Variants in INPP5A observed in about 807,000 individuals in gnomAD.
The protein encoded by INPP5A is 43 kDa inositol polyphosphate 5-phophatase.
A neutral mutation model predicts 65.2 loss-of-function variants in INPP5A; 14 were observed. That is an observed-to-expected ratio of 0.21 (90% CI 0.14 to 0.34). The LOEUF (loss-of-function observed/expected upper bound fraction) is 0.34, where lower values mean the gene tolerates loss of function less well. Ranked by LOEUF, INPP5A falls within the 10% of genes least tolerant of loss-of-function variation. The pLI, the probability that INPP5A is intolerant of heterozygous loss-of-function variation, is 1.00. For synonymous variants in INPP5A, 207 were observed against 208.3 expected (o/e 0.99, Z 0.05); for missense variants, 431 against 545.6 (o/e 0.79, Z 2.09).
chr10:132,735,462 G>A (rs547871183), intron 9 of INPP5A, among the ~76,000 whole-genome samples: 438 of 152,344 alleles, frequency 2.9e-3, no homozygotes, highest in African/African-American at 9.9e-3. Context: ...GGCGGTGCCC[G>A]GTGGCACGGG....
At chr10:132,606,474 C>T (rs1333779496) in intron 1 of INPP5A, among the ~76,000 whole-genome samples, 2 of 152,160 alleles carry the variant, frequency 1.3e-5, no homozygotes, top group East Asian at 1.9e-4. Flanking sequence ...TCTCCCTTCG[C>T]GTGTGTGTGT....
chr10:132,600,655 C>T (rs1008771768), intron 1 of INPP5A, among the ~76,000 whole-genome samples: 5 of 152,200 alleles, frequency 3.3e-5, no homozygotes, highest in African/African-American at 9.7e-5. Context: ...TTCATTTTCA[C>T]ACTGCCAGTA....
chr10:132,636,431 C>T (rs1000357589), intron 2 of INPP5A, among the ~76,000 whole-genome samples: 1 of 152,210 alleles, frequency 6.6e-6, no homozygotes, highest in Non-Finnish European at 1.5e-5. Flanking sequence ...TGCAAAACAG[C>T]CACGTCACAA....
intron 14 of INPP5A, 64 bp from the exon 15 acceptor site, chr10:132,781,797 C>T (rs1003718865): frequency 1.1e-5 from 15 of 1,345,404 alleles, no homozygotes; most frequent in African/African-American, 2.9e-5. Context: ...CAACGGGAGG[C>T]GGCGGCATGT....
intron 4 of INPP5A, among the ~76,000 whole-genome samples, chr10:132,666,805 CCTT>C (rs2072810905): frequency 2.0e-5 from 3 of 152,336 alleles, no homozygotes; most frequent in South Asian, 4.1e-4. Flanking sequence ...GCTGTGCAGA[CCTT>C]CTCGGCAGGC....
rs1845999196 is a variant in INPP5A at position 132,727,083 on chromosome 10, G to A, written c.732+178G>A. 1 of 467,286 alleles carries A rather than the reference G, an allele frequency of 2.1e-6. No individual in the cohort carries two copies. The highest frequency in any genetic ancestry group is 2.0e-5 in the African/African-American group (1 of 50,388). The allele number at this position is 467,286 out of a possible 1,614,324, so 28.9% of individuals were successfully genotyped here. A position where few individuals can be genotyped will look rare whatever the true frequency, so the allele number is the denominator to read the frequency against. The stretch of plus-strand genomic sequence containing the variant: ...TTTTGCTGTCGGCAGAGGGATCCGT[G>A]TTGGAATCCGGGGTGCGCGGGCCCT... On this transcript the variant is annotated intron_variant, in intron 9 of 15. Transcript: ENST00000368594. This position sits in a 1 kb window ranked among gnomAD's most constrained non-coding sequence, Gnocchi z 6.5.
intron 11 of INPP5A, among the ~76,000 whole-genome samples, chr10:132,761,848 G>A (rs1195166110): frequency 1.3e-5 from 2 of 152,166 alleles, no homozygotes; most frequent in Non-Finnish European, 2.9e-5. Context: ...AGGCAGGACA[G>A]ACCGTCAATA....
At chr10:132,564,272 G>T (rs546380988) in intron 1 of INPP5A, among the ~76,000 whole-genome samples, 44 of 152,294 alleles carry the variant, frequency 2.9e-4, no homozygotes, top group African/African-American at 1.0e-3. Flanking sequence ...GGGGAGGGAA[G>T]GCGAGGGTCC....
At chr10:132,646,926 C>T (rs750437822) in intron 3 of INPP5A, among the ~76,000 whole-genome samples, 3 of 152,184 alleles carry the variant, frequency 2.0e-5, no homozygotes, top group South Asian at 2.1e-4. Context: ...CGAGCCCTCC[C>T]GGCCTGGTGC....
At chr10:132,748,869 C>T (rs3793678) in intron 9 of INPP5A, among the ~76,000 whole-genome samples, 1 of 152,244 alleles carries the variant, frequency 6.6e-6, no homozygotes, top group East Asian at 1.9e-4. Context: ...CTCCTTGGTC[C>T]TCCTGGTCGG....
At chr10:132,696,094 G>T (rs1564968806) in intron 5 of INPP5A, among the ~76,000 whole-genome samples, 1 of 152,188 alleles carries the variant, frequency 6.6e-6, no homozygotes, top group African/African-American at 2.4e-5. Context: ...GGCACTATCT[G>T]TGAGGAACCT....
Position 132,538,094 on chromosome 10 carries a change from A to C in INPP5A, c.-3A>C. 5.9e-6 allele frequency: 7 copies of C among 1,177,116 alleles called. No homozygotes were observed. Among genetic ancestry groups the C allele is most frequent in the Admixed American group, 4.6e-5 (1 of 21,842 alleles). The allele number at this position is 1,177,116 out of a possible 1,614,324, so 72.9% of individuals were successfully genotyped here. The stretch of plus-strand genomic sequence containing the variant: ...AGCCCAGCGCCCGCGCCGCCCGGGC[A>C]CCATGGCGGGGAAGGCGGCCGCCCC... On this transcript the variant is annotated 5_prime_UTR_variant, in exon 1 of 16. Transcript: ENST00000368594. The surrounding 1 kb of genome is among the most constrained non-coding windows in gnomAD (Gnocchi z 4.1).
At chr10:132,765,877 C>T (rs368274343) in intron 12 of INPP5A, 31 bp downstream of exon 12, 17 of 1,417,694 alleles carry the variant, frequency 1.2e-5, no homozygotes, top group African/African-American at 9.8e-5. Flanking sequence ...TGGATGAACC[C>T]GGCCGGGAAG....
chr10:132,604,423 C>T lies in INPP5A; in HGVS notation c.76-3492C>T, dbSNP rs558500690. Reference sequence around the variant, plus strand: ...ACATCCTCCTTTCCCGTGACTGCTACGCTCAGGAGCGAGGATGCAGTCAGA... The same window carrying T: ...ACATCCTCCTTTCCCGTGACTGCTATGCTCAGGAGCGAGGATGCAGTCAGA... On this transcript the variant is annotated intron_variant, in intron 1 of 15. Coordinates refer to ENST00000368594, the MANE Select transcript of INPP5A (RefSeq NM_005539.5). Among the ~76,000 whole-genome samples the T allele has an allele frequency of 4.6e-5, 7 of 152,340 alleles. No homozygotes were observed. The East Asian group carries it at 5.8e-4, about 13-fold the overall frequency.
intron 1 of INPP5A, among the ~76,000 whole-genome samples, chr10:132,554,531 G>A (rs1156554183): frequency 6.6e-6 from 1 of 152,190 alleles, no homozygotes; most frequent in Non-Finnish European, 1.5e-5. Flanking sequence ...TGGTTGGTGC[G>A]GTTGATGTGG....
intron 1 of INPP5A, among the ~76,000 whole-genome samples, chr10:132,591,271 A>G (rs1237005347): frequency 1.3e-5 from 2 of 150,892 alleles, no homozygotes; most frequent in Admixed American, 1.3e-4. Flanking sequence ...GAGTTGACTC[A>G]CTCTTTTTAA....
At chr10:132,709,235 G>A (rs911681506) in intron 7 of INPP5A, among the ~76,000 whole-genome samples, 1 of 137,004 alleles carries the variant, frequency 7.3e-6, no homozygotes, top group African/African-American at 2.7e-5. Context: ...TCCCCAGGAG[G>A]AGCAAGAGTC....
rs571742016 is a variant in INPP5A at position 132,698,690 on chromosome 10, G to A, written c.474+771G>A. On this transcript the variant is annotated intron_variant, in intron 6 of 15. Coordinates refer to ENST00000368594, the MANE Select transcript of INPP5A (RefSeq NM_005539.5). The surrounding 1 kb of genome is among the most constrained non-coding windows in gnomAD (Gnocchi z 5.5). Reference sequence around the variant, plus strand: ...AGGCACTGTGGCCAGAAGCAGCCCAGGCACTGAGACGGAAGAGCTGGCAGC... The same window carrying A: ...AGGCACTGTGGCCAGAAGCAGCCCAAGCACTGAGACGGAAGAGCTGGCAGC... 2.0e-5 allele frequency among the ~76,000 whole-genome samples: 3 copies of A among 152,342 alleles called. No homozygotes were observed. In the East Asian group the frequency reaches 5.8e-4, roughly 29 times the overall value.
chr10:132,753,663 G>T lies in INPP5A; in HGVS notation c.903+3818G>T, dbSNP rs1846537578. Reference sequence around the variant, plus strand: ...TTTTCCTCGGCTGTCCCAGGGCCGGGCTTGGGAGTTTCCGCAGCACCGGCC... The same window carrying T: ...TTTTCCTCGGCTGTCCCAGGGCCGGTCTTGGGAGTTTCCGCAGCACCGGCC... On this transcript the variant is annotated intron_variant, in intron 11 of 15. Coordinates refer to ENST00000368594, the MANE Select transcript of INPP5A (RefSeq NM_005539.5). This position sits in a 1 kb window ranked among gnomAD's most constrained non-coding sequence, Gnocchi z 5.3. The T allele has an allele frequency of 6.6e-6, 1 of 152,162 alleles. No individual in the cohort carries two copies. Among genetic ancestry groups the T allele is most frequent in the Non-Finnish European group, 1.5e-5 (1 of 68,038 alleles). The allele number at this position is 152,162 out of a possible 1,614,324, so 9.4% of individuals were successfully genotyped here.
Sources: allele counts gnomAD v4.1 joint callset (sites outside exome capture counted in the v4.1 genomes callset), GRCh38; gene constraint gnomAD v4.1.1; non-coding constraint Gnocchi (gnomAD v3.1); transcripts MANE v1.5; gene names NCBI Gene and HGNC (gene_info 2026-07-23, HGNC 2026-07-21).